CBR3: variants seen among roughly 807,000 people sequenced by gnomAD.
CBR3 encodes carbonyl reductase 3.
Under a neutral mutation model 11.6 loss-of-function variants are expected in CBR3, and 14 were observed. That is an observed-to-expected ratio of 1.20 (90% CI 0.79 to 1.88). CBR3 has a LOEUF of 1.88. Among genes scored for constraint, CBR3 ranks in the 40% most tolerant of loss-of-function variants. The pLI is 0.00. For synonymous variants in CBR3, 125 were observed against 145.6 expected (o/e 0.86, Z 1.02); for missense variants, 308 against 357.3 (o/e 0.86, Z 1.11).
In CBR3 at chr21:36,146,378, G is replaced by A. The variant is rs1043516431; in HGVS notation, c.700G>A (p.Asp234Asn). 1 of 1,614,182 alleles carries A rather than the reference G, an allele frequency of 6.2e-7. No individual in the cohort carries two copies. Among genetic ancestry groups the A allele is most frequent in the Non-Finnish European group, 8.5e-7 (1 of 1,180,030 alleles). The change falls in exon 3 of 3, where the codon GAC becomes AAC. Residue 234 changes from aspartate (D) to asparagine (N), a missense_variant. Physicochemically the swap from Asp to Asn is conservative, Grantham distance 23 (BLOSUM62 1). Coordinates refer to ENST00000290354, the MANE Select transcript of CBR3 (RefSeq NM_001236.4). The stretch of plus-strand genomic sequence containing the variant: ...GTGCTGCCCAGGACCAGTGAAGACA[G>A]ACATGGATGGGAAAGACAGCATCAG... ...NACCPGPVKT[D>N]MDGKDSIRTV...
At chr21:36,144,299 A>T (rs893436770) in intron 2 of CBR3, among the ~76,000 whole-genome samples, 1 of 152,066 alleles carries the variant, frequency 6.6e-6, no homozygotes, top group Admixed American at 6.6e-5. Flanking sequence ...TCTACTAAAA[A>T]AATACAAAAA....
intron 2 of CBR3, among the ~76,000 whole-genome samples, chr21:36,145,256 G>A (rs968962504): frequency 6.6e-6 from 1 of 152,050 alleles, no homozygotes; most frequent in Non-Finnish European, 1.5e-5. Context: ...GGGAGAATAG[G>A]GCCAAAAAAA....
intron 2 of CBR3, chr21:36,138,150 A>T: frequency 2.3e-6 from 1 of 430,980 alleles, no homozygotes; most frequent in Non-Finnish European, 4.2e-6. Context: ...TTTGTTTGGC[A>T]GTGGGGTGGG....
intron 2 of CBR3, chr21:36,141,918 T>G (rs1196506257): frequency 3.0e-6 from 3 of 984,138 alleles, no homozygotes; most frequent in Admixed American, 6.2e-5. Flanking sequence ...ATTTAATTCC[T>G]TGTAGCCGCC....
In CBR3 at chr21:36,137,835, A is replaced by G. The variant is rs1341666131; in HGVS notation, c.300A>G (p.Pro100=). 1 of 1,595,328 alleles carries G rather than the reference A, an allele frequency of 6.3e-7. No homozygotes were observed. Among genetic ancestry groups the G allele is most frequent in the Admixed American group, 1.7e-5 (1 of 59,984 alleles). The part of the protein sequence containing the change: ...NAAVAFKSDD[P]MPFDIKAEMT... ...TTCTCTTTTTGAAAGGTGATGATCC[A>G]ATGCCCTTTGACATTAAAGCTGAGA... Residue 100 remains proline (P), a synonymous_variant, in exon 2 of 3, where the codon CCA becomes CCG. Coordinates refer to ENST00000290354, the MANE Select transcript of CBR3 (RefSeq NM_001236.4).
intron 2 of CBR3, among the ~76,000 whole-genome samples, chr21:36,143,701 G>A (rs1033004053): frequency 6.6e-6 from 1 of 151,980 alleles, no homozygotes; most frequent in African/African-American, 2.4e-5. Context: ...CCAACATGGA[G>A]AAACCCCGTT....
At chr21:36,141,587 A>G (rs562333044) in intron 2 of CBR3, 2 of 152,176 alleles carry the variant, frequency 1.3e-5, no homozygotes, top group Non-Finnish European at 2.9e-5. Flanking sequence ...TGACTTGCTT[A>G]TTTGTTCAAG....
chr21:36,138,744 CTTTTTTTTT>C (rs751330163), intron 2 of CBR3: 10 of 123,172 alleles, frequency 8.1e-5, no homozygotes, highest in African/African-American at 3.2e-4. Context: ...TTTTTCTTTT[CTTTTTTTTT>C]TTTTTTTTTT....
chr21:36,139,080 A>T (rs531619165), intron 2 of CBR3, among the ~76,000 whole-genome samples: 1 of 151,828 alleles, frequency 6.6e-6, no homozygotes, highest in South Asian at 2.1e-4. Context: ...TCTTGCCTAT[A>T]CCTGCAGGTA....
intron 2 of CBR3, among the ~76,000 whole-genome samples, chr21:36,143,822 G>C (rs1332700113): frequency 6.7e-6 from 1 of 148,796 alleles, no homozygotes; most frequent in East Asian, 2.0e-4. Flanking sequence ...GGAGGCTACA[G>C]TGAGCCGAGA....
In CBR3 at chr21:36,139,881, CTTTTTTTT is replaced by C. The variant is rs10689993; in HGVS notation, c.397+1964_397+1971del. Among the ~76,000 whole-genome samples, 35 of 89,868 alleles carry C rather than the reference CTTTTTTTT, an allele frequency of 3.9e-4. 1 individual carries two copies. Among genetic ancestry groups the C allele is most frequent in the Non-Finnish European group, 4.9e-4 (25 of 50,532 alleles). The allele number at this position is 89,868 out of a possible 152,430, so 59.0% of individuals were successfully genotyped here. A position where few individuals can be genotyped will look rare whatever the true frequency, so the allele number is the denominator to read the frequency against. On this transcript the variant is annotated intron_variant, in intron 2 of 2. Coordinates refer to ENST00000290354, the MANE Select transcript of CBR3 (RefSeq NM_001236.4). ...ACAAAATTATCTCTGGATGCAAAACCTTTTTTTTTTTTTTTTTTTTTTCTGAGACAGAG... is the reference window on the plus strand; with the variant it reads ...ACAAAATTATCTCTGGATGCAAAACCTTTTTTTTTTTTTTCTGAGACAGAG...
At position 36,135,185 on chromosome 21, in the gene CBR3, G is replaced by C. The variant is rs2123332551; in HGVS notation, c.-8G>C. On this transcript the variant is annotated 5_prime_UTR_variant, in exon 1 of 3. Transcript: ENST00000290354. ...TCCACGCAGGTGCCCCGCGCTCCCCGCTCAGCCATGTCGTCCTGCAGCCGC... is the reference window on the plus strand; with the variant it reads ...TCCACGCAGGTGCCCCGCGCTCCCCCCTCAGCCATGTCGTCCTGCAGCCGC... The C allele has an allele frequency of 6.9e-7, 1 of 1,449,442 alleles. No individual in the cohort carries two copies. The highest frequency in any genetic ancestry group is 9.1e-7 in the Non-Finnish European group (1 of 1,102,674). The allele number at this position is 1,449,442 out of a possible 1,614,324, so 89.8% of individuals were successfully genotyped here. A position where few individuals can be genotyped will look rare whatever the true frequency, so the allele number is the denominator to read the frequency against.
intron 2 of CBR3, among the ~76,000 whole-genome samples, chr21:36,142,954 G>A (rs2065725104): frequency 6.6e-6 from 1 of 152,164 alleles, no homozygotes; most frequent in African/African-American, 2.4e-5. Flanking sequence ...CCACAAGAAT[G>A]TGCAGCTCCC....
Position 36,135,569 on chromosome 21 carries a change from G to A in CBR3, c.289+88G>A, listed in dbSNP as rs1342878202. 14 of 1,306,782 alleles carry A rather than the reference G, an allele frequency of 1.1e-5. No individual in the cohort carries two copies. The East Asian group carries it at 3.5e-4, about 32-fold the overall frequency. The allele number at this position is 1,306,782 out of a possible 1,614,324, so 80.9% of individuals were successfully genotyped here. On this transcript the variant is annotated intron_variant, in intron 1 of 2. Transcript: ENST00000290354. ...GCAGGCTCCCCACCCGTCCACTTGA[G>A]TGACCGAGGAGGGTGGCGCCGACCC...
chr21:36,145,974 A>AC (rs1007389350), intron 2 of CBR3, 102 bp from the exon 3 acceptor site: 4 of 809,644 alleles, frequency 4.9e-6, no homozygotes, highest in Non-Finnish European at 7.5e-6. Flanking sequence ...AAAAAAAAAA[A>AC]AAAAAAACCT....
intron 2 of CBR3, among the ~76,000 whole-genome samples, chr21:36,144,258 C>G (rs1333476476): frequency 6.6e-6 from 1 of 151,792 alleles, no homozygotes; most frequent in Non-Finnish European, 1.5e-5. Context: ...GGAGTTCAAG[C>G]CCAGTATGGC....
chr21:36,145,452 A>G (rs899087029), intron 2 of CBR3, among the ~76,000 whole-genome samples: 3 of 151,948 alleles, frequency 2.0e-5, no homozygotes, highest in Non-Finnish European at 4.4e-5. Context: ...TGATCCTCTT[A>G]CCTCAGCTTC....
chr21:36,145,788 T>C (rs987636856), intron 2 of CBR3, among the ~76,000 whole-genome samples: 3 of 152,050 alleles, frequency 2.0e-5, no homozygotes. Flanking sequence ...GGTGAGACCC[T>C]GTCTCTACTA....
Position 36,135,324 on chromosome 21 carries a change from G to A in CBR3, c.132G>A (p.Gln44=). ...CCGCGCGGGACGTGGCGCGGGGCCA[G>A]GCGGCCGTGCAGCAGCTGCAGGCGG... ...VLTARDVARG[Q]AAVQQLQAEG... Residue 44 remains glutamine, a synonymous_variant, in exon 1 of 3, where the codon CAG becomes CAA. Transcript: ENST00000290354. The A allele has an allele frequency of 6.2e-7, 1 of 1,611,416 alleles. No homozygotes were observed. Among genetic ancestry groups the A allele is most frequent in the Non-Finnish European group, 8.5e-7 (1 of 1,179,182 alleles).
Sources: gnomAD v4.1 joint callset for allele counts (sites outside exome capture counted in the v4.1 genomes callset) on GRCh38, gnomAD v4.1.1 for gene constraint, MANE v1.5 for transcripts, NCBI Gene and HGNC (gene_info 2026-07-23, HGNC 2026-07-21) for gene names.